TGFA: variants seen among roughly 807,000 people sequenced by gnomAD.
The protein encoded by TGFA is transforming growth factor alpha, also known as protransforming growth factor alpha.
Under a neutral mutation model 21.7 loss-of-function variants are expected in TGFA, and 12 were observed. That is an observed-to-expected ratio of 0.55 (90% CI 0.35 to 0.90). The LOEUF (loss-of-function observed/expected upper bound fraction) is 0.90. Among genes scored for constraint, TGFA ranks in the 40% least tolerant of loss-of-function variants. The pLI, the probability that TGFA is intolerant of heterozygous loss-of-function variation, is 0.01. For synonymous variants in TGFA, 79 were observed against 88.1 expected (o/e 0.90, Z 0.58); for missense variants, 178 against 210.8 (o/e 0.84, Z 0.96).
chr2:70,502,229 T>G (rs1270486837), intron 2 of TGFA, among the ~76,000 whole-genome samples: 2 of 152,242 alleles, frequency 1.3e-5, no homozygotes, highest in Non-Finnish European at 2.9e-5. Flanking sequence ...TTGGGTGCTG[T>G]AATTCTAAAA....
At chr2:70,477,305 C>G (rs1368249394) in intron 2 of TGFA, among the ~76,000 whole-genome samples, 1 of 152,170 alleles carries the variant, frequency 6.6e-6, no homozygotes, top group East Asian at 1.9e-4. Flanking sequence ...GAGATGACCT[C>G]GGGCTTGGTC....
chr2:70,529,598 C>CA (rs1463292990), intron 1 of TGFA, among the ~76,000 whole-genome samples: 62 of 151,552 alleles, frequency 4.1e-4, no homozygotes, highest in Non-Finnish European at 6.8e-4. Flanking sequence ...TCCCCCCGCC[C>CA]CAGTCCTAGA....
intron 1 of TGFA, among the ~76,000 whole-genome samples, chr2:70,515,117 C>G (rs542782563): frequency 2.0e-5 from 3 of 152,258 alleles, no homozygotes; most frequent in Admixed American, 2.0e-4. Flanking sequence ...AAGAAAATGC[C>G]CATGAAAAGC....
At chr2:70,460,978 A>G (rs1377522748) in intron 3 of TGFA, among the ~76,000 whole-genome samples, 2 of 152,126 alleles carry the variant, frequency 1.3e-5, no homozygotes, top group African/African-American at 2.4e-5. Context: ...ATTTTAATCA[A>G]TTAATTTAAG....
At chr2:70,530,627 C>T (rs1461706276) in intron 1 of TGFA, among the ~76,000 whole-genome samples, 1 of 152,204 alleles carries the variant, frequency 6.6e-6, no homozygotes, top group African/African-American at 2.4e-5. Context: ...TAAGGTAACC[C>T]CAGGTTTACT....
intron 2 of TGFA, among the ~76,000 whole-genome samples, chr2:70,472,813 ACAT>A (rs1472078525): frequency 3.3e-5 from 5 of 152,260 alleles, no homozygotes; most frequent in African/African-American, 4.8e-5. Context: ...TGCAGAGCTT[ACAT>A]CATTTACAGC....
chr2:70,463,748 G>C (rs1252874239), intron 3 of TGFA, among the ~76,000 whole-genome samples: 1 of 152,140 alleles, frequency 6.6e-6, no homozygotes, highest in African/African-American at 2.4e-5. Context: ...CCTTCTGCCT[G>C]TTGTACAGGG....
chr2:70,506,824 C>T (rs1212658355), intron 2 of TGFA, among the ~76,000 whole-genome samples: 1 of 152,226 alleles, frequency 6.6e-6, no homozygotes, highest in Non-Finnish European at 1.5e-5. Context: ...TGAACTTGGA[C>T]TGTCTGGTTT....
intron 1 of TGFA, among the ~76,000 whole-genome samples, chr2:70,533,148 C>T (rs1381887278): frequency 3.3e-5 from 5 of 152,182 alleles, no homozygotes; most frequent in East Asian, 1.9e-4. Context: ...AGGCGTGAGC[C>T]GCCACGCCCA....
chr2:70,461,614 G>C (rs1369594163), intron 3 of TGFA: 2 of 152,214 alleles, frequency 1.3e-5, no homozygotes, highest in Non-Finnish European at 2.9e-5. Context: ...TGGTTGCCAG[G>C]GGTAAACTTG....
intron 1 of TGFA, among the ~76,000 whole-genome samples, chr2:70,524,401 A>T (rs1553502705): frequency 6.6e-6 from 1 of 152,260 alleles, no homozygotes; most frequent in Non-Finnish European, 1.5e-5. Flanking sequence ...GGGGCTGGGT[A>T]CTGAGTCAAC....
chr2:70,473,214 G>A (rs1670810473), intron 2 of TGFA, among the ~76,000 whole-genome samples: 1 of 152,122 alleles, frequency 6.6e-6, no homozygotes, highest in Admixed American at 6.5e-5. Flanking sequence ...AGCTTGGGAG[G>A]TGATGCGTGA....
At chr2:70,530,721 G>T (rs1297905377) in intron 1 of TGFA, among the ~76,000 whole-genome samples, 14 of 152,224 alleles carry the variant, frequency 9.2e-5, no homozygotes, top group Non-Finnish European at 2.1e-4. Flanking sequence ...AGCTCACACA[G>T]TGTCTCATCT....
chr2:70,453,622 T>A (rs1487959508), intron 4 of TGFA, among the ~76,000 whole-genome samples: 3 of 152,222 alleles, frequency 2.0e-5, no homozygotes, highest in Non-Finnish European at 4.4e-5. Flanking sequence ...CAGAGAGAAC[T>A]GGTCCTCCAC....
At chr2:70,513,335 T>C (rs1300536853) in intron 2 of TGFA, among the ~76,000 whole-genome samples, 1 of 152,182 alleles carries the variant, frequency 6.6e-6, no homozygotes. Context: ...GAGAATGGCA[T>C]GGTGAAGTTA....
intron 3 of TGFA, among the ~76,000 whole-genome samples, chr2:70,458,707 G>A (rs782388956): frequency 1.7e-4 from 26 of 152,268 alleles, no homozygotes; most frequent in Non-Finnish European, 3.1e-4. Context: ...TTACAGACTC[G>A]TTTACGTTCA....
At chr2:70,516,056 C>T (rs1672266963) in intron 1 of TGFA, among the ~76,000 whole-genome samples, 1 of 152,152 alleles carries the variant, frequency 6.6e-6, no homozygotes, top group South Asian at 2.1e-4. Flanking sequence ...CTTCAGATTA[C>T]AGTACTCGAG....
chr2:70,504,433 A>AATATATATATATATATATAT (rs200901290), intron 2 of TGFA, among the ~76,000 whole-genome samples: 139 of 62,388 alleles, frequency 2.2e-3, no homozygotes, highest in Non-Finnish European at 3.0e-3. Context: ...AAACAAAACA[A>AATATATATATATATATATAT]ATATATATAT....
At chr2:70,494,817 T>C (rs1461022788) in intron 2 of TGFA, among the ~76,000 whole-genome samples, 1 of 152,230 alleles carries the variant, frequency 6.6e-6, no homozygotes. Flanking sequence ...TATTCTCTTA[T>C]TGATGTGTTA....
Sources: allele counts gnomAD v4.1 joint callset (sites outside exome capture counted in the v4.1 genomes callset), GRCh38; gene constraint gnomAD v4.1.1; transcripts MANE v1.5; gene names NCBI Gene and HGNC (gene_info 2026-07-23, HGNC 2026-07-21).